Variants in BNC2 observed in about 807,000 individuals in gnomAD.
BNC2 encodes the protein basonuclin zinc finger protein 2, also known as zinc finger protein basonuclin-2.
Under a neutral mutation model 76.3 loss-of-function variants are expected in BNC2, and 20 were observed. The observed-to-expected ratio is 0.26, with a 90% CI of 0.18 to 0.38. The LOEUF (loss-of-function observed/expected upper bound fraction) is 0.38. Ranked by LOEUF, BNC2 falls within the 10% of genes least tolerant of loss-of-function variation. The pLI, the probability that BNC2 is intolerant of heterozygous loss-of-function variation, is 1.00. For synonymous variants in BNC2, 582 were observed against 514.8 expected (o/e 1.13, Z -1.77); for missense variants, 1,382 against 1,399.8 (o/e 0.99, Z 0.20).
Position 16,419,669 on chromosome 9 carries a change from G to C in BNC2, c.2640-20C>G, listed in dbSNP as rs1382759569. 5.6e-5 allele frequency: 39 copies of C among 699,642 alleles called. No individual in the cohort carries two copies. In the East Asian group the frequency reaches 1.8e-3, roughly 32 times the overall value. The allele number at this position is 699,642 out of a possible 1,614,324, so 43.3% of individuals were successfully genotyped here. ...CTGTGTCTAGGAAAACAAGAGGGAA[G>C]GGGGGGTACGTGGATGGGGGGTGGG... On this transcript the variant is annotated intron_variant, in intron 6 of 6. Coordinates refer to ENST00000380672, the MANE Select transcript of BNC2 (RefSeq NM_017637.6).
At chr9:16,518,894 C>G (rs1410968350) in intron 5 of BNC2, among the ~76,000 whole-genome samples, 1 of 152,180 alleles carries the variant, frequency 6.6e-6, no homozygotes, top group African/African-American at 2.4e-5. Flanking sequence ...AGCCACTGAG[C>G]CCGGCCCTAA....
intron 4 of BNC2, among the ~76,000 whole-genome samples, chr9:16,568,343 T>C (rs1819224460): frequency 6.6e-6 from 1 of 152,184 alleles, no homozygotes; most frequent in African/African-American, 2.4e-5. Context: ...GTTTTCATTA[T>C]TTATAAACAG....
At chr9:16,476,977 C>T (rs1007989392) in intron 5 of BNC2, among the ~76,000 whole-genome samples, 8 of 152,028 alleles carry the variant, frequency 5.3e-5, no homozygotes, top group African/African-American at 1.9e-4. Flanking sequence ...CCAGAAGAGC[C>T]TTCAAGAGGA....
intron 1 of BNC2, among the ~76,000 whole-genome samples, chr9:16,811,118 G>C (rs1034414275): frequency 2.0e-5 from 3 of 149,460 alleles, no homozygotes; most frequent in Non-Finnish European, 3.0e-5. Flanking sequence ...CTCTGGGACT[G>C]AGGCTGAGGC....
intron 5 of BNC2, among the ~76,000 whole-genome samples, chr9:16,444,971 C>G (rs1821201528): frequency 6.6e-6 from 1 of 152,060 alleles, no homozygotes; most frequent in Non-Finnish European, 1.5e-5. Context: ...GTTTATCTCT[C>G]TAATTTATAA....
intron 5 of BNC2, among the ~76,000 whole-genome samples, chr9:16,517,134 G>C (rs1817466564): frequency 6.6e-6 from 1 of 151,908 alleles, no homozygotes; most frequent in African/African-American, 2.4e-5. Flanking sequence ...TTTAGATTGA[G>C]ATAAGATTCA....
At chr9:16,425,920 C>T (rs181189701) in intron 6 of BNC2, among the ~76,000 whole-genome samples, 12 of 152,328 alleles carry the variant, frequency 7.9e-5, no homozygotes, top group Admixed American at 2.6e-4. Flanking sequence ...CCAGCAGCCC[C>T]ATTCCCTAAC....
chr9:16,565,504 GA>G (rs1330845637), intron 4 of BNC2, among the ~76,000 whole-genome samples: 3 of 152,108 alleles, frequency 2.0e-5, no homozygotes, highest in Non-Finnish European at 4.4e-5. Context: ...CACTAGTGAA[GA>G]AAACAGACTT....
Position 16,544,037 on chromosome 9 carries a change from C to T in BNC2, c.669+8493G>A, listed in dbSNP as rs555329930. ...ATCACATATTGGTGACATAATGCAGCGACACCTTCCTTATGTCATGGTGTT... is the reference window on the plus strand; with the variant it reads ...ATCACATATTGGTGACATAATGCAGTGACACCTTCCTTATGTCATGGTGTT... On this transcript the variant is annotated intron_variant, in intron 5 of 6. Coordinates refer to ENST00000380672, the MANE Select transcript of BNC2 (RefSeq NM_017637.6). 5.3e-5 allele frequency among the ~76,000 whole-genome samples: 8 copies of T among 152,234 alleles called. No homozygotes were observed. In the East Asian group the frequency reaches 5.8e-4, roughly 11 times the overall value.
intron 3 of BNC2, among the ~76,000 whole-genome samples, chr9:16,594,732 A>AT (rs1768637425): frequency 6.6e-6 from 1 of 151,990 alleles, no homozygotes. Flanking sequence ...AAAATTAGAG[A>AT]TTTTTTCAAA....
chr9:16,518,651 A>C (rs1196714118), intron 5 of BNC2, among the ~76,000 whole-genome samples: 1 of 151,898 alleles, frequency 6.6e-6, no homozygotes, highest in African/African-American at 2.4e-5. Flanking sequence ...GTCTTGCTGG[A>C]GTGCAGTAGC....
chr9:16,454,635 T>A (rs1028208287), intron 5 of BNC2, among the ~76,000 whole-genome samples: 1 of 152,222 alleles, frequency 6.6e-6, no homozygotes, highest in African/African-American at 2.4e-5. Context: ...ATACCTAATT[T>A]GTTTCTGTTG....
In BNC2 at chr9:16,509,367, T is replaced by A. The variant is rs117170469; in HGVS notation, c.669+43163A>T. On this transcript the variant is annotated intron_variant, in intron 5 of 6. Transcript: ENST00000380672. ...CATTTCATGCAAGGCAGCTGTTGTCTACAGTCCTCGAGGACAGGAAACACA... is the reference window on the plus strand; with the variant it reads ...CATTTCATGCAAGGCAGCTGTTGTCAACAGTCCTCGAGGACAGGAAACACA... Among the ~76,000 whole-genome samples, 91 of 152,340 alleles carry A rather than the reference T, an allele frequency of 6.0e-4. 1 individual carries two copies. The East Asian group carries it at 0.017, about 29-fold the overall frequency.
At chr9:16,660,822 A>C (rs2134054587) in intron 3 of BNC2, among the ~76,000 whole-genome samples, 1 of 152,092 alleles carries the variant, frequency 6.6e-6, no homozygotes, top group African/African-American at 2.4e-5. Context: ...TTATTTACAT[A>C]GTATTTACAT....
intron 1 of BNC2, among the ~76,000 whole-genome samples, chr9:16,750,883 AG>A (rs779018700): frequency 6.6e-5 from 10 of 152,246 alleles, no homozygotes; most frequent in Non-Finnish European, 1.5e-4. Context: ...GAATGATTAC[AG>A]TAACACAGAA....
intron 3 of BNC2, among the ~76,000 whole-genome samples, chr9:16,708,686 G>A (rs1440616952): frequency 1.3e-5 from 2 of 151,908 alleles, no homozygotes; most frequent in Non-Finnish European, 2.9e-5. Flanking sequence ...ATGGGGAGGA[G>A]CAAAATGGAA....
At chr9:16,682,691 T>C (rs10962540) in intron 3 of BNC2, among the ~76,000 whole-genome samples, 10,658 of 152,178 alleles carry the variant, frequency 0.07, 623 homozygotes, top group South Asian at 0.23. Context: ...TCACAGCAAA[T>C]TGTGTCTAAT....
chr9:16,840,281 C>T (rs1586925503), intron 1 of BNC2, among the ~76,000 whole-genome samples: 2 of 152,298 alleles, frequency 1.3e-5, no homozygotes. Flanking sequence ...TAACTTCTTA[C>T]CATCTCATTT....
At chr9:16,690,045 T>G (rs964245166) in intron 3 of BNC2, among the ~76,000 whole-genome samples, 5 of 152,178 alleles carry the variant, frequency 3.3e-5, no homozygotes, top group African/African-American at 9.7e-5. Context: ...TATATCTCCA[T>G]TTTTCAGCCT....
Sources: gnomAD v4.1 joint callset for allele counts (sites outside exome capture counted in the v4.1 genomes callset) on GRCh38, gnomAD v4.1.1 for gene constraint, MANE v1.5 for transcripts, NCBI Gene and HGNC (gene_info 2026-07-23, HGNC 2026-07-21) for gene names.